Variants in CSMD3 observed in about 807,000 individuals in gnomAD.
CSMD3 encodes the protein CUB and sushi domain-containing protein 3.
A neutral mutation model predicts 435.2 loss-of-function variants in CSMD3; 177 were observed. The ratio of observed to expected loss-of-function variants is 0.41; its 90% CI spans 0.36 to 0.46. The LOEUF is 0.46. Among genes scored for constraint, CSMD3 ranks in the 20% least tolerant of loss-of-function variants. The probability of loss-of-function intolerance (pLI) is 0.34; values close to 1 mark genes in which losing one functional copy is unlikely to be tolerated. For missense variants in CSMD3, 4,265 were observed against 4,504.6 expected (o/e 0.95, Z 1.52); for synonymous variants, 1,656 against 1,520.5 (o/e 1.09, Z -2.07).
chr8:112,913,269 T>C (rs1235739226), intron 10 of CSMD3, among the ~76,000 whole-genome samples: 3 of 151,940 alleles, frequency 2.0e-5, no homozygotes, highest in Non-Finnish European at 2.9e-5. Context: ...ATTATATTTA[T>C]CATTAGATTC....
rs201599031 is a variant in CSMD3 at position 112,829,683 on chromosome 8, T to C, written c.1859+3A>G. The C allele has an allele frequency of 2.5e-6, 4 of 1,579,722 alleles. No homozygotes were observed. Among genetic ancestry groups the C allele is most frequent in the Non-Finnish European group, 3.5e-6 (4 of 1,148,710 alleles). ...AGGCAAAAATGAAACATTGGGAACTTACACTTGGAGCACTGTCCTAGGATC... is the reference window on the plus strand; with the variant it reads ...AGGCAAAAATGAAACATTGGGAACTCACACTTGGAGCACTGTCCTAGGATC... On this transcript the variant is annotated splice_donor_region_variant and intron_variant, in intron 12 of 70. Coordinates refer to ENST00000297405, the MANE Select transcript of CSMD3 (RefSeq NM_198123.2).
chr8:113,302,095 A>T lies in CSMD3; in HGVS notation c.401+12476T>A, dbSNP rs184520189. Among the ~76,000 whole-genome samples, 760 of 151,128 alleles carry T rather than the reference A, an allele frequency of 5.0e-3. 8 individuals carry two copies. The highest frequency in any genetic ancestry group is 0.018 in the African/African-American group (733 of 41,250). The stretch of plus-strand genomic sequence containing the variant: ...AAAAATGCTATAGTTGAAAAATGCA[A>T]ATAAATACAATTAATGAGCTGTGCT... On this transcript the variant is annotated intron_variant, in intron 2 of 70. Coordinates refer to ENST00000297405, the MANE Select transcript of CSMD3 (RefSeq NM_198123.2).
At chr8:112,677,880 A>G (rs542655544) in intron 16 of CSMD3, among the ~76,000 whole-genome samples, 1 of 152,248 alleles carries the variant, frequency 6.6e-6, no homozygotes, top group Admixed American at 6.5e-5. Flanking sequence ...TTGCTGTCCA[A>G]TATATGATTT....
At chr8:112,985,427 A>G (rs1018056484) in intron 6 of CSMD3, among the ~76,000 whole-genome samples, 5 of 152,096 alleles carry the variant, frequency 3.3e-5, no homozygotes, top group Non-Finnish European at 5.9e-5. Context: ...AAAATGAAGC[A>G]TCACTAAAGG....
intron 2 of CSMD3, among the ~76,000 whole-genome samples, chr8:113,289,557 AGAG>A: frequency 8.3e-5 from 1 of 12,022 alleles, no homozygotes; most frequent in Non-Finnish European, 2.0e-4. Flanking sequence ...AGAGAGACAG[AGAG>A]AGAGAGAGAG....
intron 2 of CSMD3, among the ~76,000 whole-genome samples, chr8:113,302,688 A>G (rs1260483188): frequency 2.6e-5 from 4 of 151,612 alleles, no homozygotes; most frequent in Non-Finnish European, 4.4e-5. Flanking sequence ...GATGCAGAAA[A>G]AGCCTTTGAC....
At chr8:112,551,002 T>C in intron 26 of CSMD3, 129 bp from the exon 27 acceptor site, 2 of 692,212 alleles carry the variant, frequency 2.9e-6, no homozygotes, top group Non-Finnish European at 5.2e-6. Context: ...ATGAATTACA[T>C]AAACAGCATA....
At chr8:113,286,536 T>C (rs937736595) in intron 2 of CSMD3, among the ~76,000 whole-genome samples, 2 of 152,054 alleles carry the variant, frequency 1.3e-5, no homozygotes, top group Non-Finnish European at 2.9e-5. Flanking sequence ...GTGATGGGAA[T>C]TCTTAAAGCA....
chr8:112,375,813 C>T (rs560663772), intron 38 of CSMD3, among the ~76,000 whole-genome samples: 57 of 152,238 alleles, frequency 3.7e-4, no homozygotes, highest in African/African-American at 1.3e-3. Context: ...ACTATCAAAA[C>T]ATATGCTGCT....
intron 6 of CSMD3, among the ~76,000 whole-genome samples, chr8:113,001,118 G>A (rs1238660109): frequency 4.0e-5 from 6 of 151,692 alleles, no homozygotes; most frequent in Non-Finnish European, 7.4e-5. Context: ...CTTAATCTAG[G>A]CAATCGTCTT....
At chr8:112,673,493 A>G (rs946751803) in intron 16 of CSMD3, among the ~76,000 whole-genome samples, 1 of 152,098 alleles carries the variant, frequency 6.6e-6, no homozygotes, top group African/African-American at 2.4e-5. Flanking sequence ...ATACTTAACT[A>G]AAGGAGGGGT....
intron 22 of CSMD3, among the ~76,000 whole-genome samples, chr8:112,612,996 T>A (rs988820829): frequency 6.6e-6 from 1 of 151,916 alleles, no homozygotes; most frequent in Admixed American, 6.6e-5. Context: ...CACCTTGAAT[T>A]TCTGGCTTCA....
intron 10 of CSMD3, among the ~76,000 whole-genome samples, chr8:112,877,268 C>CT (rs559305551): frequency 0.054 from 7,972 of 146,860 alleles, 269 homozygotes; most frequent in African/African-American, 0.096. Flanking sequence ...CTTTAAATTT[C>CT]TTTTTTTTTT....
chr8:112,342,973 A>ATATATATATATTTATATATATATATT (rs1415336850), intron 41 of CSMD3, among the ~76,000 whole-genome samples: 10 of 63,314 alleles, frequency 1.6e-4, no homozygotes, highest in African/African-American at 4.2e-4. Flanking sequence ...GAAATGTATT[A>ATATATATATATTTATATATATATATT]TATATATATA....
chr8:112,594,669 G>A (rs1198203779), intron 22 of CSMD3, among the ~76,000 whole-genome samples: 1 of 152,186 alleles, frequency 6.6e-6, no homozygotes, highest in African/African-American at 2.4e-5. Context: ...GGAGATCTGA[G>A]AACGGGCAGA....
chr8:112,430,466 T>C (rs1302199878), intron 32 of CSMD3, among the ~76,000 whole-genome samples: 1 of 152,038 alleles, frequency 6.6e-6, no homozygotes, highest in Non-Finnish European at 1.5e-5. Flanking sequence ...AATCCTCAAC[T>C]AGCTGATAAT....
In CSMD3 at chr8:113,197,950, A is replaced by G. The variant is rs115774012; in HGVS notation, c.515-24034T>C. Among the ~76,000 whole-genome samples the G allele has an allele frequency of 7.9e-3, 1,199 of 151,430 alleles. 19 individuals are homozygous for G. Among genetic ancestry groups the G allele is most frequent in the African/African-American group, 0.027 (1,127 of 41,466 alleles). On this transcript the variant is annotated intron_variant, in intron 3 of 70. Transcript: ENST00000297405. Reference sequence around the variant, plus strand: ...ATTCAGCACTGGTGTCATGTAACTAACTATATTTGAGAAGCATATACAATC... The same window carrying G: ...ATTCAGCACTGGTGTCATGTAACTAGCTATATTTGAGAAGCATATACAATC...
chr8:112,624,937 G>T (rs903598183), intron 22 of CSMD3, among the ~76,000 whole-genome samples: 1 of 151,556 alleles, frequency 6.6e-6, no homozygotes, highest in Non-Finnish European at 1.5e-5. Flanking sequence ...GTATTTATTT[G>T]TATATTTATT....
At chr8:112,280,347 T>C (rs1168557136) in intron 59 of CSMD3, among the ~76,000 whole-genome samples, 1 of 152,054 alleles carries the variant, frequency 6.6e-6, no homozygotes, top group Non-Finnish European at 1.5e-5. Context: ...CGGAGTTCAC[T>C]ACATCCTTGA....
Sources: gnomAD v4.1 joint callset for allele counts (sites outside exome capture counted in the v4.1 genomes callset) on GRCh38, gnomAD v4.1.1 for gene constraint, MANE v1.5 for transcripts, NCBI Gene and HGNC (gene_info 2026-07-23, HGNC 2026-07-21) for gene names.